SNTG2: variants seen among roughly 807,000 people sequenced by gnomAD.
SNTG2 encodes syntrophin gamma 2.
In SNTG2, 74 loss-of-function variants were observed where a neutral mutation model predicts 70.9. That is an observed-to-expected ratio of 1.04 (90% CI 0.86 to 1.27). The LOEUF (loss-of-function observed/expected upper bound fraction) is 1.27, where lower values mean the gene tolerates loss of function less well. SNTG2 is among the 50% of genes most tolerant of loss of function. SNTG2 has a pLI of 0.00. For synonymous variants in SNTG2, 278 were observed against 273.8 expected, an observed-to-expected ratio of 1.02 and a Z score of -0.15; for missense variants, 717 against 690.7, an observed-to-expected ratio of 1.04 and a Z score of -0.43.
chr2:1,008,542 A>G (rs952207800), intron 1 of SNTG2, among the ~76,000 whole-genome samples: 2 of 152,220 alleles, frequency 1.3e-5, no homozygotes, highest in African/African-American at 4.8e-5. Flanking sequence ...ACTGCATTAA[A>G]ACATGCATGA....
At chr2:1,337,920 C>T (rs777794083) in intron 16 of SNTG2, among the ~76,000 whole-genome samples, 43 of 152,158 alleles carry the variant, frequency 2.8e-4, no homozygotes, top group Non-Finnish European at 4.6e-4. Flanking sequence ...GTTTTGCAAC[C>T]GGATATCTAA....
chr2:1,325,002 G>C (rs144936952), intron 16 of SNTG2, among the ~76,000 whole-genome samples: 1 of 152,154 alleles, frequency 6.6e-6, no homozygotes, highest in Non-Finnish European at 1.5e-5. Flanking sequence ...TGTGCTTGCC[G>C]CAAGGTCAGG....
intron 14 of SNTG2, among the ~76,000 whole-genome samples, chr2:1,272,462 G>GT (rs1553377201): frequency 3.1e-5 from 2 of 64,988 alleles, no homozygotes. Context: ...ACTGGTACTG[G>GT]TAAAAAAAAA....
In SNTG2 at chr2:978,770, G is replaced by A. The variant is rs60246855; in HGVS notation, c.72+27702G>A. Among the ~76,000 whole-genome samples, 745 of 152,302 alleles carry A rather than the reference G, an allele frequency of 4.9e-3. 8 individuals carry two copies. The highest frequency in any genetic ancestry group is 0.015 in the African/African-American group (623 of 41,566). On this transcript the variant is annotated intron_variant, in intron 1 of 16. Transcript: ENST00000308624. The stretch of plus-strand genomic sequence containing the variant: ...AGGAGTTCTGAAATTCTGAGTACAG[G>A]TAAGTCTCGCAATGAGAAGATGGCT...
At position 1,009,223 on chromosome 2, in the gene SNTG2, C is replaced by T. The variant is rs111890943; in HGVS notation, c.72+58155C>T. On this transcript the variant is annotated intron_variant, in intron 1 of 16. Coordinates refer to ENST00000308624, the MANE Select transcript of SNTG2 (RefSeq NM_018968.4). Reference sequence around the variant, plus strand: ...GTGTGTATGGCAGCCACACCTGTGTCCCCAGGAAGACATGCTGGTTCTGAT... The same window carrying T: ...GTGTGTATGGCAGCCACACCTGTGTTCCCAGGAAGACATGCTGGTTCTGAT... Among the ~76,000 whole-genome samples the T allele has an allele frequency of 1.1e-4, 12 of 107,476 alleles. No individual in the cohort carries two copies. The East Asian group carries it at 2.3e-3, about 20-fold the overall frequency. 70.5% of individuals were successfully genotyped at this position (107,476 alleles called of 152,430 possible). A position where few individuals can be genotyped will look rare whatever the true frequency, so the allele number is the denominator to read the frequency against.
At chr2:1,015,904 A>G (rs1659878111) in intron 1 of SNTG2, among the ~76,000 whole-genome samples, 1 of 152,238 alleles carries the variant, frequency 6.6e-6, no homozygotes, top group Admixed American at 6.5e-5. Flanking sequence ...CAGATGGCCC[A>G]TGCAGCAGAT....
chr2:1,022,093 T>A (rs62104288), intron 1 of SNTG2, among the ~76,000 whole-genome samples: 12,285 of 152,124 alleles, frequency 0.081, 716 homozygotes, highest in Admixed American at 0.2. Context: ...TGGAGGTTCC[T>A]CATAAAGTTA....
chr2:1,134,096 C>T (rs964346413), intron 4 of SNTG2, among the ~76,000 whole-genome samples: 1 of 151,992 alleles, frequency 6.6e-6, no homozygotes, highest in African/African-American at 2.4e-5. Context: ...TTGGTTCCTC[C>T]CTGTGGGTTT....
At chr2:1,311,860 G>A (rs1233251133) in intron 15 of SNTG2, among the ~76,000 whole-genome samples, 3 of 152,142 alleles carry the variant, frequency 2.0e-5, no homozygotes, top group Non-Finnish European at 4.4e-5. Context: ...GGACATTTGT[G>A]TATTATTTCT....
intron 6 of SNTG2, among the ~76,000 whole-genome samples, chr2:1,144,587 T>A (rs1273338231): frequency 6.6e-6 from 1 of 152,186 alleles, no homozygotes; most frequent in East Asian, 1.9e-4. Context: ...GATTCACACT[T>A]CTACGTGGCT....
chr2:1,284,989 A>G (rs1211071707), intron 14 of SNTG2, among the ~76,000 whole-genome samples: 2 of 151,640 alleles, frequency 1.3e-5, no homozygotes, highest in Non-Finnish European at 2.9e-5. Context: ...ATATGTATAT[A>G]TGGGAGTTTA....
chr2:1,078,455 G>C lies in SNTG2; in HGVS notation c.73-5063G>C, dbSNP rs116313337. Among the ~76,000 whole-genome samples, 524 of 152,250 alleles carry C rather than the reference G, an allele frequency of 3.4e-3. 3 individuals are homozygous for C. The highest frequency in any genetic ancestry group is 5.7e-3 in the Non-Finnish European group (389 of 68,008). On this transcript the variant is annotated intron_variant, in intron 1 of 16. Transcript: ENST00000308624. Reference sequence around the variant, plus strand: ...AGGAGAGGAGTGGGTGGGGCAGGTGGACAGACCCCAGGCAGGTATGGCAGG... The same window carrying C: ...AGGAGAGGAGTGGGTGGGGCAGGTGCACAGACCCCAGGCAGGTATGGCAGG...
chr2:1,278,342 C>T (rs1373202157), intron 14 of SNTG2, among the ~76,000 whole-genome samples: 1 of 152,032 alleles, frequency 6.6e-6, no homozygotes, highest in Admixed American at 6.5e-5. Context: ...GTACGAGGTG[C>T]TAATGACGTA....
At chr2:1,213,208 T>G (rs1572741524) in intron 9 of SNTG2, among the ~76,000 whole-genome samples, 1 of 152,350 alleles carries the variant, frequency 6.6e-6, no homozygotes, top group East Asian at 1.9e-4. Flanking sequence ...ATCACATGCT[T>G]AGCATTTTTG....
At chr2:1,118,632 G>A (rs1390914885) in intron 4 of SNTG2, among the ~76,000 whole-genome samples, 1 of 151,166 alleles carries the variant, frequency 6.6e-6, no homozygotes, top group Admixed American at 6.6e-5. Flanking sequence ...TTCAGTAGAG[G>A]ACTTCAATAG....
intron 7 of SNTG2, among the ~76,000 whole-genome samples, chr2:1,171,608 T>A (rs1572638056): frequency 6.6e-6 from 1 of 152,084 alleles, no homozygotes; most frequent in Non-Finnish European, 1.5e-5. Context: ...CACAGCAGAG[T>A]CTTCACCAGA....
At chr2:1,018,605 A>G (rs761704710) in intron 1 of SNTG2, among the ~76,000 whole-genome samples, 1 of 152,168 alleles carries the variant, frequency 6.6e-6, no homozygotes, top group Non-Finnish European at 1.5e-5. Context: ...AAAAGGAGGA[A>G]GGAGCAGGAA....
chr2:1,197,624 C>A (rs1673009221), intron 8 of SNTG2, among the ~76,000 whole-genome samples: 1 of 151,394 alleles, frequency 6.6e-6, no homozygotes, highest in Non-Finnish European at 1.5e-5. Context: ...GCAGCTTCAA[C>A]CTTCCTGGGC....
chr2:973,131 T>A lies in SNTG2; in HGVS notation c.72+22063T>A, dbSNP rs142908838. On this transcript the variant is annotated intron_variant, in intron 1 of 16. Coordinates refer to ENST00000308624, the MANE Select transcript of SNTG2 (RefSeq NM_018968.4). Reference sequence around the variant, plus strand: ...AATTCTTATAGCAAATTAAAAACAATCCTCTTTTTGATATACTGTCCTTTA... The same window carrying A: ...AATTCTTATAGCAAATTAAAAACAAACCTCTTTTTGATATACTGTCCTTTA... Among the ~76,000 whole-genome samples, 220 of 152,346 alleles carry A rather than the reference T, an allele frequency of 1.4e-3. 1 individual carries two copies. Among genetic ancestry groups the A allele is most frequent in the African/African-American group, 5.1e-3 (211 of 41,586 alleles).
Sources: gnomAD v4.1 joint callset for allele counts (sites outside exome capture counted in the v4.1 genomes callset) on GRCh38, gnomAD v4.1.1 for gene constraint, MANE v1.5 for transcripts, NCBI Gene and HGNC (gene_info 2026-07-23, HGNC 2026-07-21) for gene names.